P3H2: variants seen among roughly 807,000 people sequenced by gnomAD.
P3H2 encodes the protein prolyl 3-hydroxylase 2.
A neutral mutation model predicts 87.0 loss-of-function variants in P3H2; 80 were observed. That is an observed-to-expected ratio of 0.92 (90% CI 0.77 to 1.11). The LOEUF (loss-of-function observed/expected upper bound fraction) is 1.11. Among genes scored for constraint, P3H2 ranks in the 50% least tolerant of loss-of-function variants. The probability of loss-of-function intolerance (pLI) is 0.00; values close to 1 mark genes in which losing one functional copy is unlikely to be tolerated. For missense variants in P3H2, 1,001 were observed against 923.9 expected, an observed-to-expected ratio of 1.08 and a Z score of -1.08; for synonymous variants, 367 against 359.3, an observed-to-expected ratio of 1.02 and a Z score of -0.24.
At chr3:190,057,507 T>G (rs1726195666) in intron 1 of P3H2, among the ~76,000 whole-genome samples, 1 of 152,172 alleles carries the variant, frequency 6.6e-6, no homozygotes, top group African/African-American at 2.4e-5. Flanking sequence ...GTTATTCCTT[T>G]CCCTAGTTCC....
intron 11 of P3H2, among the ~76,000 whole-genome samples, chr3:189,972,517 T>C (rs1274760818): frequency 1.3e-5 from 2 of 152,186 alleles, no homozygotes; most frequent in African/African-American, 4.8e-5. Context: ...CATCCCTTCA[T>C]CTTCTATGCT....
intron 1 of P3H2, among the ~76,000 whole-genome samples, chr3:190,076,576 G>A (rs1726883926): frequency 6.6e-6 from 1 of 152,176 alleles, no homozygotes; most frequent in South Asian, 2.1e-4. Flanking sequence ...ATTAATATAA[G>A]CAGATCTGGG....
chr3:189,974,250 T>C lies in P3H2; in HGVS notation c.1453-246A>G, dbSNP rs1723276741. On this transcript the variant is annotated intron_variant, in intron 9 of 14. Coordinates refer to ENST00000319332, the MANE Select transcript of P3H2 (RefSeq NM_018192.4). ...AAATAAAAAGAATGTAAATTATTGA[T>C]ATATTGCCTAATAATTAATTAAAAT... The C allele has an allele frequency of 8.4e-6, 5 of 592,646 alleles. No homozygotes were observed. In the Admixed American group the frequency reaches 9.0e-5, roughly 11 times the overall value. 36.7% of individuals were successfully genotyped at this position (592,646 alleles called of 1,614,324 possible).
At chr3:189,988,274 T>C (rs956678278) in intron 4 of P3H2, among the ~76,000 whole-genome samples, 5 of 152,230 alleles carry the variant, frequency 3.3e-5, no homozygotes, top group African/African-American at 1.2e-4. Context: ...CTTTTCATTA[T>C]AGAAATATTT....
intron 1 of P3H2, among the ~76,000 whole-genome samples, chr3:190,056,213 C>T (rs763827046): frequency 1.9e-4 from 29 of 152,098 alleles, no homozygotes; most frequent in African/African-American, 6.5e-4. Flanking sequence ...ACCTTGATCC[C>T]GGACTTTTAA....
chr3:189,980,481 T>G (rs1376504229), intron 8 of P3H2, among the ~76,000 whole-genome samples: 2 of 151,738 alleles, frequency 1.3e-5, no homozygotes, highest in African/African-American at 4.8e-5. Context: ...AAGAATCGCT[T>G]GAACCCAGGA....
chr3:190,117,456 T>G (rs1712334752), intron 1 of P3H2, among the ~76,000 whole-genome samples: 1 of 152,178 alleles, frequency 6.6e-6, no homozygotes, highest in Non-Finnish European at 1.5e-5. Context: ...CTCACTGAAT[T>G]TGATCTAGTC....
At chr3:189,977,873 G>C (rs760352178) in intron 8 of P3H2, among the ~76,000 whole-genome samples, 4 of 151,932 alleles carry the variant, frequency 2.6e-5, no homozygotes, top group African/African-American at 9.7e-5. Flanking sequence ...GCCTCCCAAA[G>C]TGCTTGGATT....
At chr3:190,090,336 A>C (rs1184011811) in intron 1 of P3H2, among the ~76,000 whole-genome samples, 1 of 152,238 alleles carries the variant, frequency 6.6e-6, no homozygotes, top group Non-Finnish European at 1.5e-5. Flanking sequence ...TAATCTGTAC[A>C]GAAAGGTAAA....
intron 1 of P3H2, among the ~76,000 whole-genome samples, chr3:190,024,998 A>G (rs1725044407): frequency 6.6e-6 from 1 of 152,050 alleles, no homozygotes; most frequent in South Asian, 2.1e-4. Context: ...ACAAAAAAAA[A>G]GCCTTTTAAA....
intron 1 of P3H2, among the ~76,000 whole-genome samples, chr3:190,052,267 G>T (rs1726007174): frequency 6.6e-6 from 1 of 151,826 alleles, no homozygotes; most frequent in Admixed American, 6.6e-5. Flanking sequence ...ACAAGCCCCG[G>T]TGTGTGATGT....
At chr3:190,057,153 A>G (rs1726186090) in intron 1 of P3H2, among the ~76,000 whole-genome samples, 1 of 152,188 alleles carries the variant, frequency 6.6e-6, no homozygotes, top group Admixed American at 6.5e-5. Flanking sequence ...AACTTTAAGT[A>G]TCTTCTTATC....
At chr3:190,078,737 T>C (rs1726949820) in intron 1 of P3H2, among the ~76,000 whole-genome samples, 1 of 152,230 alleles carries the variant, frequency 6.6e-6, no homozygotes, top group Non-Finnish European at 1.5e-5. Context: ...GAGCTCTAAC[T>C]GTATACCCAA....
chr3:190,093,301 T>C (rs771532816), intron 1 of P3H2, among the ~76,000 whole-genome samples: 2 of 152,010 alleles, frequency 1.3e-5, no homozygotes, highest in African/African-American at 2.4e-5. Flanking sequence ...AGACAGACAG[T>C]TGAGGAAAAG....
intron 1 of P3H2, among the ~76,000 whole-genome samples, chr3:190,080,320 A>G (rs1522930): frequency 0.24 from 37,049 of 152,100 alleles, 4,923 homozygotes; most frequent in African/African-American, 0.35. Context: ...TGAGTGCCAT[A>G]GTAAGAGTTT....
At chr3:190,019,783 AAAATATATATATAT>A (rs1287081962) in intron 1 of P3H2, among the ~76,000 whole-genome samples, 1,593 of 99,184 alleles carry the variant, frequency 0.016, 233 homozygotes, top group African/African-American at 0.056. Context: ...TAGAAATTAA[AAAATATATATATAT>A]ATATATATAT....
intron 8 of P3H2, among the ~76,000 whole-genome samples, chr3:189,977,483 C>T (rs1324236528): frequency 6.6e-6 from 1 of 152,128 alleles, no homozygotes; most frequent in African/African-American, 2.4e-5. Context: ...GATCCTGAAG[C>T]CAAAGACACA....
At chr3:190,042,116 G>C (rs1280390755) in intron 1 of P3H2, among the ~76,000 whole-genome samples, 2 of 152,144 alleles carry the variant, frequency 1.3e-5, no homozygotes, top group East Asian at 3.8e-4. Flanking sequence ...GTAGAGGGAG[G>C]GGTGGAAGAA....
At chr3:190,101,662 TA>T (rs142314778) in intron 1 of P3H2, among the ~76,000 whole-genome samples, 10,558 of 152,166 alleles carry the variant, frequency 0.069, 480 homozygotes, top group African/African-American at 0.13. Context: ...GCCGTCTTCA[TA>T]AACATGAAAG....
Sources: allele counts gnomAD v4.1 joint callset (sites outside exome capture counted in the v4.1 genomes callset), GRCh38; gene constraint gnomAD v4.1.1; transcripts MANE v1.5; gene names NCBI Gene and HGNC (gene_info 2026-07-23, HGNC 2026-07-21).